Variants in IFT57 observed in about 807,000 individuals in gnomAD.
IFT57 encodes intraflagellar transport 57.
IFT57 carries 59 observed loss-of-function variants against 56.8 expected under a neutral mutation model. That is an observed-to-expected ratio of 1.04 (90% CI 0.84 to 1.29). IFT57 has a LOEUF of 1.29. IFT57 is among the 50% of genes most tolerant of loss of function. The pLI, the probability that IFT57 is intolerant of heterozygous loss-of-function variation, is 0.00. For missense variants in IFT57, 470 were observed against 522.1 expected (o/e 0.90, Z 0.97); for synonymous variants, 209 against 186.1 (o/e 1.12, Z -1.00).
chr3:108,213,385 CTTGAGAAAAAGTT>C (rs2108327077), intron 4 of IFT57, among the ~76,000 whole-genome samples: 1 of 152,150 alleles, frequency 6.6e-6, no homozygotes, highest in African/African-American at 2.4e-5. Context: ...TGAGAATTAT[CTTGAGAAAAAGTT>C]ATTTTGTCTC....
intron 5 of IFT57, among the ~76,000 whole-genome samples, chr3:108,197,289 T>G (rs1474574175): frequency 2.0e-5 from 3 of 152,244 alleles, no homozygotes; most frequent in African/African-American, 7.2e-5. Flanking sequence ...CTAAAAGGAT[T>G]TAAATGCTGC....
At chr3:108,175,525 C>A (rs1224729982) in intron 6 of IFT57, among the ~76,000 whole-genome samples, 2 of 151,682 alleles carry the variant, frequency 1.3e-5, no homozygotes, top group East Asian at 3.9e-4. Flanking sequence ...ACCATAAAAT[C>A]AAAAAGTATG....
intron 6 of IFT57, among the ~76,000 whole-genome samples, chr3:108,179,472 C>A (rs905199690): frequency 6.6e-6 from 1 of 151,992 alleles, no homozygotes; most frequent in Non-Finnish European, 1.5e-5. Flanking sequence ...ATATGAGCAG[C>A]ATATTTCTGT....
intron 6 of IFT57, among the ~76,000 whole-genome samples, chr3:108,181,439 A>G (rs1291189419): frequency 2.0e-5 from 3 of 152,046 alleles, no homozygotes; most frequent in African/African-American, 7.2e-5. Context: ...CAACAGCCCA[A>G]AACAACATTC....
intron 5 of IFT57, among the ~76,000 whole-genome samples, chr3:108,194,315 A>G (rs750877059): frequency 1.3e-5 from 2 of 152,146 alleles, no homozygotes; most frequent in African/African-American, 2.4e-5. Context: ...TTAGAATGAA[A>G]CTACAAAAAC....
At chr3:108,166,804 GT>G in intron 8 of IFT57, 49 bp downstream of exon 8, 1 of 1,539,068 alleles carries the variant, frequency 6.5e-7, no homozygotes, top group Non-Finnish European at 8.9e-7. Flanking sequence ...CAAGTTTAGG[GT>G]TTAGGGTTGT....
intron 5 of IFT57, among the ~76,000 whole-genome samples, chr3:108,195,674 T>C (rs1477484032): frequency 4.6e-5 from 7 of 152,074 alleles, no homozygotes; most frequent in Non-Finnish European, 1.0e-4. Flanking sequence ...TGTAGCAACA[T>C]GGATGGAATT....
At chr3:108,206,162 T>C (rs539513826) in intron 5 of IFT57, among the ~76,000 whole-genome samples, 1 of 144,936 alleles carries the variant, frequency 6.9e-6, no homozygotes, top group East Asian at 2.0e-4. Flanking sequence ...TATGTACTTT[T>C]ATAGATTAGA....
chr3:108,200,825 T>A (rs1336231535), intron 5 of IFT57, among the ~76,000 whole-genome samples: 1 of 152,148 alleles, frequency 6.6e-6, no homozygotes, highest in East Asian at 1.9e-4. Flanking sequence ...ATAACTTATA[T>A]CCTATGTAAG....
At chr3:108,196,182 G>A (rs1163212478) in intron 5 of IFT57, among the ~76,000 whole-genome samples, 1 of 152,104 alleles carries the variant, frequency 6.6e-6, no homozygotes, top group Non-Finnish European at 1.5e-5. Flanking sequence ...TTTGATTTAT[G>A]GAGTACCATT....
intron 6 of IFT57, among the ~76,000 whole-genome samples, chr3:108,173,808 G>GTGTGTGTGTGTGTGTGTGTGTGTA (rs771647277): frequency 7.9e-6 from 1 of 127,088 alleles, no homozygotes; most frequent in African/African-American, 3.1e-5. Flanking sequence ...GTGTGTGTGT[G>GTGTGTGTGTGTGTGTGTGTGTGTA]TATATAATAT....
chr3:108,201,374 T>A (rs968203465), intron 5 of IFT57, among the ~76,000 whole-genome samples: 9 of 152,210 alleles, frequency 5.9e-5, no homozygotes, highest in African/African-American at 2.2e-4. Flanking sequence ...AAGTGCCATT[T>A]GAGCCTCCAC....
chr3:108,215,567 TAAA>T (rs200456677), intron 3 of IFT57, among the ~76,000 whole-genome samples: 2 of 151,986 alleles, frequency 1.3e-5, no homozygotes, highest in Non-Finnish European at 2.9e-5. Context: ...TCAATCATGT[TAAA>T]AAAATACAAA....
At chr3:108,215,623 AT>A (rs200424054) in intron 3 of IFT57, among the ~76,000 whole-genome samples, 13,909 of 152,226 alleles carry the variant, frequency 0.091, 698 homozygotes, top group Middle Eastern at 0.12. Context: ...AACTAAATCA[AT>A]CATCTTAAAT....
At chr3:108,213,173 A>C (rs1306304613) in intron 4 of IFT57, among the ~76,000 whole-genome samples, 1 of 152,182 alleles carries the variant, frequency 6.6e-6, no homozygotes, top group African/African-American at 2.4e-5. Flanking sequence ...TAAGGCTTCA[A>C]GTCAACAGTA....
At chr3:108,197,483 C>T (rs75450727) in intron 5 of IFT57, among the ~76,000 whole-genome samples, 1 of 152,126 alleles carries the variant, frequency 6.6e-6, no homozygotes, top group Middle Eastern at 3.2e-3. Context: ...GGCACACCAT[C>T]GAAGTCAGTT....
In IFT57 at chr3:108,162,385, G is replaced by T; in HGVS notation, c.*92C>A. 1 of 1,037,908 alleles carries T rather than the reference G, an allele frequency of 9.6e-7. No individual in the cohort carries two copies. The highest frequency in any genetic ancestry group is 1.4e-6 in the Non-Finnish European group (1 of 715,676). The allele number at this position is 1,037,908 out of a possible 1,614,324, so 64.3% of individuals were successfully genotyped here. ...ATGTATATGTAAAAAAATACCCATT[G>T]AACATAAAATTATGTTTTGAAATCT... On this transcript the variant is annotated 3_prime_UTR_variant, in exon 11 of 11. Transcript: ENST00000264538.
At chr3:108,214,448 C>T (rs759285326) in intron 3 of IFT57, among the ~76,000 whole-genome samples, 1 of 152,202 alleles carries the variant, frequency 6.6e-6, no homozygotes, top group Non-Finnish European at 1.5e-5. Context: ...TATCATTACA[C>T]ATACCATTTA....
intron 5 of IFT57, among the ~76,000 whole-genome samples, chr3:108,203,329 T>C (rs769137693): frequency 3.9e-5 from 6 of 152,240 alleles, no homozygotes; most frequent in Non-Finnish European, 7.3e-5. Context: ...GTCTCAGTGT[T>C]TGCATCCAGA....
Sources: gnomAD v4.1 joint callset for allele counts (sites outside exome capture counted in the v4.1 genomes callset) on GRCh38, gnomAD v4.1.1 for gene constraint, MANE v1.5 for transcripts, NCBI Gene and HGNC (gene_info 2026-07-23, HGNC 2026-07-21) for gene names.